SULT1B1: variants seen among roughly 807,000 people sequenced by gnomAD.
The protein encoded by SULT1B1 is sulfotransferase family 1B member 1.
SULT1B1 carries 28 observed loss-of-function variants against 34.6 expected under a neutral mutation model. That is an observed-to-expected ratio of 0.81 (90% CI 0.60 to 1.11). SULT1B1 has a LOEUF of 1.11. SULT1B1 is among the 50% of genes least tolerant of loss of function. The pLI, the probability that SULT1B1 is intolerant of heterozygous loss-of-function variation, is 0.00. For synonymous variants in SULT1B1, 147 were observed against 110.2 expected (o/e 1.33, Z -2.09); for missense variants, 374 against 352.2 (o/e 1.06, Z -0.50).
chr4:69,754,959 C>G (rs1719131293), intron 2 of SULT1B1, 111 bp downstream of exon 2: 10 of 1,254,356 alleles, frequency 8.0e-6, no homozygotes, highest in Non-Finnish European at 1.1e-5. Flanking sequence ...TAGATGGCTG[C>G]ACAAAATGAA....
chr4:69,730,739 A>G, intron 6 of SULT1B1, 58 bp from the exon 7 acceptor site: 3 of 1,460,334 alleles, frequency 2.1e-6, no homozygotes, highest in Non-Finnish European at 2.8e-6. Context: ...GTGAATATTT[A>G]TAAAACATTT....
rs1213016514 is a variant in SULT1B1, at chr4:69,721,406, T to C, written c.*5682A>G. On this transcript the variant is annotated 3_prime_UTR_variant, in exon 8 of 8. Transcript: ENST00000310613. ...CCGGCCTTTCCCAGTTATCTGAAGA[T>C]TGCTGCACAAAATAATTGTTTTCCC... is the stretch of plus-strand genomic sequence containing the variant. The C allele has an allele frequency of 6.6e-6, 1 of 152,128 alleles. No individual in the cohort carries two copies. The highest frequency in any genetic ancestry group is 1.5e-5 in the Non-Finnish European group (1 of 68,004). 9.4% of individuals were successfully genotyped at this position (152,128 alleles called of 1,614,324 possible).
chr4:69,751,590 T>G (rs1265722373), intron 3 of SULT1B1, among the ~76,000 whole-genome samples: 1 of 152,166 alleles, frequency 6.6e-6, no homozygotes, highest in Non-Finnish European at 1.5e-5. Flanking sequence ...TAGTTGAGAC[T>G]ACCGGCGCCC....
rs565485166 is a variant in SULT1B1 at position 69,723,252 on chromosome 4, C to G, written c.*3836G>C. The stretch of plus-strand genomic sequence containing the variant: ...TCAGAGAATACTAAAAACACCTCTA[C>G]GCAAATAAACTAGAAAATCTAGAAG... On this transcript the variant is annotated 3_prime_UTR_variant, in exon 8 of 8. Coordinates refer to ENST00000310613, the MANE Select transcript of SULT1B1 (RefSeq NM_014465.4). 6.6e-6 allele frequency: 1 copy of G among 151,800 alleles called. No homozygotes were observed. Among genetic ancestry groups the G allele is most frequent in the African/African-American group, 2.4e-5 (1 of 41,348 alleles). 9.4% of individuals were successfully genotyped at this position (151,800 alleles called of 1,614,324 possible). A position where few individuals can be genotyped will look rare whatever the true frequency, so the allele number is the denominator to read the frequency against.
At chr4:69,733,140 C>A (rs1226759286) in intron 6 of SULT1B1, among the ~76,000 whole-genome samples, 2 of 152,032 alleles carry the variant, frequency 1.3e-5, no homozygotes, top group African/African-American at 4.8e-5. Flanking sequence ...TAACTGTAAG[C>A]ATGTGATATC....
At chr4:69,749,044 C>T (rs984877321) in intron 4 of SULT1B1, among the ~76,000 whole-genome samples, 2 of 151,470 alleles carry the variant, frequency 1.3e-5, no homozygotes, top group African/African-American at 4.8e-5. Flanking sequence ...AACAGATAAA[C>T]AACAGAAATA....
At chr4:69,735,254 A>C (rs1324990685) in intron 4 of SULT1B1, among the ~76,000 whole-genome samples, 1 of 152,096 alleles carries the variant, frequency 6.6e-6, no homozygotes, top group Non-Finnish European at 1.5e-5. Context: ...TTTATCTCCT[A>C]TATACTCTTG....
At chr4:69,728,916 T>A (rs1233293700) in intron 7 of SULT1B1, among the ~76,000 whole-genome samples, 3 of 151,986 alleles carry the variant, frequency 2.0e-5, no homozygotes, top group African/African-American at 7.2e-5. Context: ...CACAAAAGTA[T>A]GTTCTTAACC....
Position 69,730,610 on chromosome 4 carries a change from C to T in SULT1B1, c.669G>A (p.Arg223=), listed in dbSNP as rs199761121. ...EKNLNDEILD[R]IIHHTSFEVM... is the part of the protein sequence containing the mutation. ...CTTCAAATGAGGTGTGATGGATGAT[C>T]CTATCCAAGATCTCATCATTCAGGT... The change falls in exon 7 of 8, where the codon AGG becomes AGA. Residue 223 remains arginine, a synonymous_variant. Coordinates refer to ENST00000310613, the MANE Select transcript of SULT1B1 (RefSeq NM_014465.4). 1 of 1,613,224 alleles carries T rather than the reference C, an allele frequency of 6.2e-7. No homozygotes were observed. The highest frequency in any genetic ancestry group is 8.5e-7 in the Non-Finnish European group (1 of 1,179,626).
In SULT1B1 at chr4:69,757,756, G is replaced by A. The variant is rs147170669; in HGVS notation, c.-44-2495C>T. Among the ~76,000 whole-genome samples, 524 of 152,124 alleles carry A rather than the reference G, an allele frequency of 3.4e-3. 2 individuals carry two copies. Among genetic ancestry groups the A allele is most frequent in the African/African-American group, 0.012 (489 of 41,522 alleles). ...AGTAAAAGTCATTATTCAACAATAC[G>A]TTTGTCCTGAAACATGTAGCATCTT... On this transcript the variant is annotated intron_variant, in intron 1 of 7. Transcript: ENST00000310613.
At chr4:69,740,160 T>C (rs921735209) in intron 4 of SULT1B1, among the ~76,000 whole-genome samples, 5 of 152,192 alleles carry the variant, frequency 3.3e-5, no homozygotes, top group Non-Finnish European at 7.3e-5. Context: ...ACTTCCAGAT[T>C]TTCTGGTATG....
At chr4:69,749,903 C>A (rs4149413) in intron 3 of SULT1B1, 85 bp from the exon 4 acceptor site, 2 of 924,678 alleles carry the variant, frequency 2.2e-6, no homozygotes, top group Non-Finnish European at 3.5e-6. Flanking sequence ...TTTTTCAAGA[C>A]ATTTTTGAGC....
intron 4 of SULT1B1, among the ~76,000 whole-genome samples, chr4:69,746,161 C>T (rs532580416): frequency 1.3e-5 from 2 of 152,174 alleles, no homozygotes; most frequent in African/African-American, 2.4e-5. Context: ...TTGACCTCGG[C>T]GATCCTCTTT....
At chr4:69,730,380 G>A in intron 7 of SULT1B1, 121 bp downstream of exon 7, 3 of 766,954 alleles carry the variant, frequency 3.9e-6, no homozygotes, top group Non-Finnish European at 5.9e-6. Flanking sequence ...TTTGGTGGTA[G>A]GTATTTGCTA....
intron 4 of SULT1B1, among the ~76,000 whole-genome samples, chr4:69,744,081 G>A (rs1469161300): frequency 1.3e-5 from 2 of 152,180 alleles, no homozygotes; most frequent in African/African-American, 4.8e-5. Context: ...CGCTGGCTTC[G>A]TGGAGCAGGG....
At chr4:69,756,592 G>A (rs752049492) in intron 1 of SULT1B1, among the ~76,000 whole-genome samples, 11 of 152,044 alleles carry the variant, frequency 7.2e-5, no homozygotes, top group Non-Finnish European at 1.0e-4. Context: ...TCAAAACATC[G>A]TTGTTTTTTG....
intron 4 of SULT1B1, among the ~76,000 whole-genome samples, chr4:69,746,287 T>C (rs548760217): frequency 6.6e-6 from 1 of 152,340 alleles, no homozygotes; most frequent in East Asian, 1.9e-4. Flanking sequence ...ATTGACAATA[T>C]CCTCAGATAT....
intron 4 of SULT1B1, among the ~76,000 whole-genome samples, chr4:69,736,950 T>C (rs1307603124): frequency 6.6e-6 from 1 of 151,918 alleles, no homozygotes; most frequent in Non-Finnish European, 1.5e-5. Flanking sequence ...GGAGAATTGG[T>C]GACCAAAAAC....
intron 4 of SULT1B1, among the ~76,000 whole-genome samples, chr4:69,739,347 A>T (rs1481522355): frequency 6.6e-6 from 1 of 152,198 alleles, no homozygotes; most frequent in Non-Finnish European, 1.5e-5. Flanking sequence ...ATGCTTTGAA[A>T]TCTAGGCAGA....
Sources: allele counts gnomAD v4.1 joint callset (sites outside exome capture counted in the v4.1 genomes callset), GRCh38; gene constraint gnomAD v4.1.1; transcripts MANE v1.5; gene names NCBI Gene and HGNC (gene_info 2026-07-23, HGNC 2026-07-21).